LAMA2: variants seen among roughly 807,000 people sequenced by gnomAD.
LAMA2 encodes laminin subunit alpha 2, also known as laminin subunit alpha-2.
Under a neutral mutation model 364.8 loss-of-function variants are expected in LAMA2, and 269 were observed. The ratio of observed to expected loss-of-function variants is 0.74; its 90% CI spans 0.67 to 0.82. LAMA2 has a LOEUF of 0.82. LAMA2 is among the 40% of genes least tolerant of loss of function. LAMA2 has a pLI of 0.00. For missense variants in LAMA2, 3,807 were observed against 3,873.2 expected, an observed-to-expected ratio of 0.98 and a Z score of 0.45; for synonymous variants, 1,379 against 1,370.6, an observed-to-expected ratio of 1.01 and a Z score of -0.14.
intron 28 of LAMA2, among the ~76,000 whole-genome samples, chr6:129,321,078 G>A (rs1023378782): frequency 2.6e-5 from 4 of 152,062 alleles, no homozygotes; most frequent in African/African-American, 9.7e-5. Context: ...TTTAACATAA[G>A]CTTCTCAGGG....
intron 48 of LAMA2, among the ~76,000 whole-genome samples, chr6:129,457,684 G>T (rs139216525): frequency 6.6e-6 from 1 of 152,028 alleles, no homozygotes; most frequent in Admixed American, 6.6e-5. Context: ...ACCCCAAAAA[G>T]TATGTCTTAG....
At chr6:129,485,947 A>C (rs1784564340) in intron 55 of LAMA2, among the ~76,000 whole-genome samples, 1 of 152,230 alleles carries the variant, frequency 6.6e-6, no homozygotes, top group Non-Finnish European at 1.5e-5. Context: ...AACAGTAGCA[A>C]GAAGAAAGCA....
chr6:129,081,231 C>T lies in LAMA2; in HGVS notation c.397-16942C>T, dbSNP rs570627970. Among the ~76,000 whole-genome samples, 12 of 125,056 alleles carry T rather than the reference C, an allele frequency of 9.6e-5. 1 individual carries two copies. In the South Asian group the frequency reaches 1.5e-3, roughly 15 times the overall value. 82.0% of individuals were successfully genotyped at this position (125,056 alleles called of 152,430 possible). A position where few individuals can be genotyped will look rare whatever the true frequency, so the allele number is the denominator to read the frequency against. ...ACACAGGGTGGGTAACATCACACACCGGGGCCTGTTGTGGGGTGGGGTGAG... is the reference window on the plus strand; with the variant it reads ...ACACAGGGTGGGTAACATCACACACTGGGGCCTGTTGTGGGGTGGGGTGAG... On this transcript the variant is annotated intron_variant, in intron 3 of 64. Coordinates refer to ENST00000421865, the MANE Select transcript of LAMA2 (RefSeq NM_000426.4).
At chr6:128,997,111 C>A (rs1463573675) in intron 1 of LAMA2, among the ~76,000 whole-genome samples, 2 of 150,726 alleles carry the variant, frequency 1.3e-5, no homozygotes, top group Non-Finnish European at 3.0e-5. Flanking sequence ...AGGAGAACAT[C>A]ACACACTGGG....
At chr6:129,170,246 TG>T (rs1243666314) in intron 9 of LAMA2, among the ~76,000 whole-genome samples, 3 of 146,686 alleles carry the variant, frequency 2.0e-5, no homozygotes, top group Non-Finnish European at 3.0e-5. Flanking sequence ...TTCTTTTAAT[TG>T]TGATGTTAGG....
Position 129,402,205 on chromosome 6 carries a change from T to C in LAMA2, c.5563-119T>C. Reference sequence around the variant, plus strand: ...GCCTGGGTGACAGAGCAAGACTCTGTCTCAAAAAAAAAAAAAAAAAAACTA... The same window carrying C: ...GCCTGGGTGACAGAGCAAGACTCTGCCTCAAAAAAAAAAAAAAAAAAACTA... On this transcript the variant is annotated intron_variant, in intron 38 of 64. Coordinates refer to ENST00000421865, the MANE Select transcript of LAMA2 (RefSeq NM_000426.4). 4 of 667,750 alleles carry C rather than the reference T, an allele frequency of 6.0e-6. No homozygotes were observed. The East Asian group carries it at 1.2e-4, about 21-fold the overall frequency. 41.4% of individuals were successfully genotyped at this position (667,750 alleles called of 1,614,324 possible).
At chr6:128,918,067 T>G (rs1232976801) in intron 1 of LAMA2, among the ~76,000 whole-genome samples, 10 of 152,126 alleles carry the variant, frequency 6.6e-5, no homozygotes. Context: ...TTCTATTTAT[T>G]TTCTTTACTT....
intron 3 of LAMA2, among the ~76,000 whole-genome samples, chr6:129,073,850 T>G (rs935969554): frequency 6.6e-6 from 1 of 152,198 alleles, no homozygotes; most frequent in Non-Finnish European, 1.5e-5. Context: ...CTGTTTCTAT[T>G]GTCTTTTCAT....
At chr6:129,076,050 C>A (rs1177679071) in intron 3 of LAMA2, among the ~76,000 whole-genome samples, 2 of 152,164 alleles carry the variant, frequency 1.3e-5, no homozygotes, top group East Asian at 1.9e-4. Flanking sequence ...CATGTCTCTG[C>A]ACTCCAGCCT....
intron 27 of LAMA2, among the ~76,000 whole-genome samples, chr6:129,316,841 C>A (rs1774647093): frequency 6.6e-6 from 1 of 152,090 alleles, no homozygotes; most frequent in Non-Finnish European, 1.5e-5. Flanking sequence ...TCTCAGTGTC[C>A]TGGGGCAGAA....
chr6:129,353,429 A>T, intron 32 of LAMA2, 72 bp downstream of exon 32: 46 of 1,183,816 alleles, frequency 3.9e-5, no homozygotes, highest in Non-Finnish European at 5.5e-5. Flanking sequence ...AATGAGAAAG[A>T]GTGACTCTCC....
intron 1 of LAMA2, among the ~76,000 whole-genome samples, chr6:129,023,555 G>A (rs948166025): frequency 3.9e-5 from 6 of 152,230 alleles, no homozygotes; most frequent in East Asian, 1.9e-4. Flanking sequence ...CAGCAAAGAC[G>A]CCTGGGAGCT....
chr6:129,484,680 T>C (rs913562101), intron 55 of LAMA2, among the ~76,000 whole-genome samples: 5 of 152,332 alleles, frequency 3.3e-5, no homozygotes, highest in Admixed American at 2.0e-4. Flanking sequence ...ACCATTTTTG[T>C]AGATTTCTCA....
At chr6:129,418,752 G>A (rs1320771554) in intron 40 of LAMA2, among the ~76,000 whole-genome samples, 3 of 152,086 alleles carry the variant, frequency 2.0e-5, no homozygotes, top group Non-Finnish European at 4.4e-5. Context: ...GTCACCTAAT[G>A]TACCAATAAT....
At chr6:129,044,462 A>G (rs950496018) in intron 1 of LAMA2, among the ~76,000 whole-genome samples, 1 of 151,818 alleles carries the variant, frequency 6.6e-6, no homozygotes, top group Non-Finnish European at 1.5e-5. Flanking sequence ...AAGTTAGGTG[A>G]TTTTTTTCAA....
chr6:128,909,727 A>G (rs1777761504), intron 1 of LAMA2, among the ~76,000 whole-genome samples: 2 of 149,162 alleles, frequency 1.3e-5, no homozygotes, highest in Non-Finnish European at 3.0e-5. Context: ...GTTTCTTCCT[A>G]GTCTCGATGG....
At chr6:129,271,669 G>T (rs1264179143) in intron 17 of LAMA2, among the ~76,000 whole-genome samples, 4 of 151,738 alleles carry the variant, frequency 2.6e-5, no homozygotes, top group African/African-American at 9.7e-5. Flanking sequence ...TTAAATAAAA[G>T]GAAATTATTT....
Position 129,394,432 on chromosome 6 carries a change from T to G in LAMA2, c.5445+1177T>G, listed in dbSNP as rs118049333. On this transcript the variant is annotated intron_variant, in intron 37 of 64. Transcript: ENST00000421865. ...TAGTAAGAGGAAGAATTACATTTTT[T>G]TAATATATTTTATTTCCGTGTCCCT... Among the ~76,000 whole-genome samples, 109 of 152,368 alleles carry G rather than the reference T, an allele frequency of 7.2e-4. 2 individuals carry two copies. In the East Asian group the frequency reaches 0.017, roughly 24 times the overall value.
At chr6:129,352,519 C>G (rs1401761303) in intron 31 of LAMA2, among the ~76,000 whole-genome samples, 8 of 152,152 alleles carry the variant, frequency 5.3e-5, no homozygotes, top group Non-Finnish European at 1.2e-4. Context: ...AGCCTATTGC[C>G]ACTTAACTTG....
Sources: gnomAD v4.1 joint callset for allele counts (sites outside exome capture counted in the v4.1 genomes callset) on GRCh38, gnomAD v4.1.1 for gene constraint, MANE v1.5 for transcripts, NCBI Gene and HGNC (gene_info 2026-07-23, HGNC 2026-07-21) for gene names.